Variants in ANKRD27 observed in about 807,000 individuals in gnomAD.
The protein encoded by ANKRD27 is ankyrin repeat domain-containing protein 27.
Under a neutral mutation model 129.7 loss-of-function variants are expected in ANKRD27, and 112 were observed. The ratio of observed to expected loss-of-function variants is 0.86; its 90% CI spans 0.74 to 1.01. The LOEUF (loss-of-function observed/expected upper bound fraction) is 1.01, where lower values mean the gene tolerates loss of function less well. Ranked by LOEUF, ANKRD27 falls within the 50% of genes least tolerant of loss-of-function variation. The pLI is 0.00. For synonymous variants in ANKRD27, 516 were observed against 511.2 expected (o/e 1.01, Z -0.13); for missense variants, 1,258 against 1,300.5 (o/e 0.97, Z 0.50).
At chr19:32,656,391 C>T (rs905203105) in intron 2 of ANKRD27, among the ~76,000 whole-genome samples, 5 of 152,222 alleles carry the variant, frequency 3.3e-5, no homozygotes, top group African/African-American at 4.8e-5. Flanking sequence ...CCTTGCGTCC[C>T]GTACTTTTCC....
At chr19:32,632,826 C>T (rs7247406) in intron 12 of ANKRD27, among the ~76,000 whole-genome samples, 1 of 151,962 alleles carries the variant, frequency 6.6e-6, no homozygotes, top group Non-Finnish European at 1.5e-5. Context: ...TTACAGCCCT[C>T]TAAGTTTTGA....
intron 2 of ANKRD27, among the ~76,000 whole-genome samples, chr19:32,658,222 A>G (rs1967579018): frequency 6.6e-6 from 1 of 152,094 alleles, no homozygotes; most frequent in Non-Finnish European, 1.5e-5. Context: ...GATGACACAA[A>G]TGCACCCGGG....
chr19:32,626,404 G>A (rs1972091352), intron 16 of ANKRD27, among the ~76,000 whole-genome samples: 1 of 152,052 alleles, frequency 6.6e-6, no homozygotes, highest in South Asian at 2.1e-4. Context: ...GAACTCCTGG[G>A]CTCAAGCGAT....
At chr19:32,602,492 C>T (rs1971668520) in intron 25 of ANKRD27, among the ~76,000 whole-genome samples, 1 of 152,156 alleles carries the variant, frequency 6.6e-6, no homozygotes, top group African/African-American at 2.4e-5. Context: ...GGCACGGTGG[C>T]TCACGCGTGC....
At chr19:32,627,210 G>C (rs1395556514) in intron 15 of ANKRD27, among the ~76,000 whole-genome samples, 1 of 151,984 alleles carries the variant, frequency 6.6e-6, no homozygotes, top group Non-Finnish European at 1.5e-5. Context: ...AGAATATTAT[G>C]AGCCCTAGAG....
chr19:32,641,298 C>CA (rs1249612437), intron 10 of ANKRD27, among the ~76,000 whole-genome samples: 1 of 151,984 alleles, frequency 6.6e-6, no homozygotes, highest in Non-Finnish European at 1.5e-5. Context: ...GAGGTGGCTT[C>CA]AGTGATAAAA....
intron 22 of ANKRD27, chr19:32,608,205 C>A (rs1446601532): frequency 3.9e-6 from 1 of 259,098 alleles, no homozygotes; most frequent in Non-Finnish European, 7.2e-6. Flanking sequence ...GAGATGGGGT[C>A]TCACCAGCTG....
At chr19:32,656,067 G>GAA (rs145882665) in intron 2 of ANKRD27, among the ~76,000 whole-genome samples, 2 of 50,812 alleles carry the variant, frequency 3.9e-5, no homozygotes, top group African/African-American at 1.1e-4. Flanking sequence ...AGAAAAGAAA[G>GAA]AAAGAAAGAA....
chr19:32,622,129 G>A (rs1317389753), intron 18 of ANKRD27, among the ~76,000 whole-genome samples: 1 of 152,164 alleles, frequency 6.6e-6, no homozygotes, highest in African/African-American at 2.4e-5. Context: ...TGCCCCTGCG[G>A]AGCCTCGTTT....
intron 20 of ANKRD27, among the ~76,000 whole-genome samples, chr19:32,618,194 T>C (rs1971951413): frequency 6.6e-6 from 1 of 152,022 alleles, no homozygotes; most frequent in Non-Finnish European, 1.5e-5. Context: ...TAAATGTATA[T>C]GTATATTTAT....
At chr19:32,635,117 C>T (rs1291635343) in intron 12 of ANKRD27, among the ~76,000 whole-genome samples, 1 of 152,178 alleles carries the variant, frequency 6.6e-6, no homozygotes, top group Admixed American at 6.5e-5. Flanking sequence ...AAGACAGCCA[C>T]GCTACAGGGA....
intron 23 of ANKRD27, 34 bp downstream of exon 23, chr19:32,607,601 C>T (rs376345338): frequency 2.4e-5 from 38 of 1,600,534 alleles, no homozygotes; most frequent in Non-Finnish European, 3.0e-5. Context: ...AAAGCAGACA[C>T]CCTGCTCCAC....
intron 15 of ANKRD27, among the ~76,000 whole-genome samples, chr19:32,627,701 T>C (rs1966914922): frequency 6.6e-6 from 1 of 152,150 alleles, no homozygotes; most frequent in Non-Finnish European, 1.5e-5. Context: ...CCCAGCCAAA[T>C]GTATACTTTA....
chr19:32,606,082 C>G, intron 23 of ANKRD27, 128 bp from the exon 24 acceptor site: 1 of 805,300 alleles, frequency 1.2e-6, no homozygotes, highest in Non-Finnish European at 1.7e-6. Context: ...GAGAAATGCT[C>G]AAGTTTGATA....
intron 18 of ANKRD27, among the ~76,000 whole-genome samples, chr19:32,620,415 T>A (rs76203801): frequency 1.4e-5 from 2 of 141,172 alleles, no homozygotes; most frequent in Admixed American, 1.4e-4. Context: ...AAAAAAAAAA[T>A]AAACTAGCTG....
rs1209883042 is a variant in ANKRD27, at chr19:32,605,751, C to G, written c.2493+84G>C. On this transcript the variant is annotated intron_variant, in intron 24 of 28. Coordinates refer to ENST00000306065, the MANE Select transcript of ANKRD27 (RefSeq NM_032139.3). The stretch of plus-strand genomic sequence containing the variant: ...GATGGGTGGCCGGGCCTCTCCATCC[C>G]CAGTGCGCTGCGGGGGTCGCTGGGT... 1.9e-6 allele frequency: 3 copies of G among 1,555,392 alleles called. No homozygotes were observed. The African/African-American group carries it at 4.1e-5, about 21-fold the overall frequency.
chr19:32,664,699 C>T (rs919144986), intron 1 of ANKRD27, among the ~76,000 whole-genome samples: 1 of 149,592 alleles, frequency 6.7e-6, no homozygotes, highest in Admixed American at 6.7e-5. Context: ...TGGCTCATGC[C>T]TGTAATCCCA....
rs757885465 is a variant in ANKRD27 at position 32,643,699 on chromosome 19, G to T, written c.526-68C>A. 3 of 1,525,542 alleles carry T rather than the reference G, an allele frequency of 2.0e-6. No homozygotes were observed. In the African/African-American group the frequency reaches 4.1e-5, roughly 21 times the overall value. The allele number at this position is 1,525,542 out of a possible 1,614,324, so 94.5% of individuals were successfully genotyped here. ...AGGCCATGACGGGGGAGCCGGAGCG[G>T]GTAAGGCGCACAGAGCTTCAAGTGC... On this transcript the variant is annotated intron_variant, in intron 5 of 28. Transcript: ENST00000306065.
chr19:32,599,406 G>A (rs1971617341), intron 28 of ANKRD27, among the ~76,000 whole-genome samples: 1 of 152,222 alleles, frequency 6.6e-6, no homozygotes, highest in South Asian at 2.1e-4. Context: ...TTTCTTTGGT[G>A]ATTAAAACCA....
Sources: allele counts gnomAD v4.1 joint callset (sites outside exome capture counted in the v4.1 genomes callset), GRCh38; gene constraint gnomAD v4.1.1; transcripts MANE v1.5; gene names NCBI Gene and HGNC (gene_info 2026-07-23, HGNC 2026-07-21).